RBFOX1: variants seen among roughly 807,000 people sequenced by gnomAD.
RBFOX1 encodes RNA binding fox-1 homolog 1, also known as RNA binding protein fox-1 homolog 1.
RBFOX1 carries 8 observed loss-of-function variants against 57.7 expected under a neutral mutation model. The observed-to-expected ratio is 0.14, with a 90% CI of 0.08 to 0.25. The LOEUF is 0.25. Among genes scored for constraint, RBFOX1 ranks in the 10% least tolerant of loss-of-function variants. The pLI is 1.00. For missense variants in RBFOX1, 611 were observed against 548.5 expected, an observed-to-expected ratio of 1.11 and a Z score of -1.14; for synonymous variants, 326 against 222.4, an observed-to-expected ratio of 1.47 and a Z score of -4.15.
intron 2 of RBFOX1, among the ~76,000 whole-genome samples, chr16:6,645,358 TC>T (rs1464516061): frequency 2.0e-5 from 3 of 152,132 alleles, no homozygotes; most frequent in African/African-American, 7.2e-5. Context: ...GCTACTCACT[TC>T]TAAATCCTCT....
intron 14 of RBFOX1, among the ~76,000 whole-genome samples, chr16:7,679,221 T>C (rs755782513): frequency 5.9e-5 from 9 of 152,250 alleles, no homozygotes; most frequent in Admixed American, 1.3e-4. Context: ...TACCTTTTTA[T>C]AGAAGACACG....
intron 1 of RBFOX1, among the ~76,000 whole-genome samples, chr16:5,424,367 C>T (rs995645813): frequency 2.4e-4 from 37 of 152,144 alleles, no homozygotes; most frequent in African/African-American, 8.7e-4. Flanking sequence ...TGGAACAAGA[C>T]TGGGCGAGCT....
At chr16:5,827,920 CCCATCCACCCACCCAT>C (rs2056128076) in intron 3 of RBFOX1, among the ~76,000 whole-genome samples, 1 of 134,870 alleles carries the variant, frequency 7.4e-6, no homozygotes, top group Non-Finnish European at 1.6e-5. Flanking sequence ...CATCCATCCA[CCCATCCACCCACCCAT>C]CCACCCACCC....
At chr16:7,710,378 G>C in intron 15 of RBFOX1, 2 of 1,363,038 alleles carry the variant, frequency 1.5e-6, no homozygotes, top group South Asian at 3.7e-5. Context: ...TTATAATAGA[G>C]TCCTTTTAGC....
At chr16:5,725,695 A>G (rs1023015683) in intron 3 of RBFOX1, among the ~76,000 whole-genome samples, 4 of 151,638 alleles carry the variant, frequency 2.6e-5, no homozygotes, top group African/African-American at 9.7e-5. Flanking sequence ...CCACATTCAC[A>G]CCTGGCATGG....
At chr16:6,522,454 A>G (rs1046598365) in intron 2 of RBFOX1, among the ~76,000 whole-genome samples, 3 of 152,176 alleles carry the variant, frequency 2.0e-5, no homozygotes, top group Non-Finnish European at 4.4e-5. Context: ...AAAGATATTT[A>G]TGAAGACATC....
chr16:5,911,355 G>C lies in RBFOX1; in HGVS notation c.351+44020G>C, dbSNP rs975231584. ...GAAGATCCGAAGCTCTGAAGTTCCTGTTCCCCTTATCTTGTGCCACAGCCG... is the reference window on the plus strand; with the variant it reads ...GAAGATCCGAAGCTCTGAAGTTCCTCTTCCCCTTATCTTGTGCCACAGCCG... On this transcript the variant is annotated intron_variant, in intron 4 of 19. Transcript: ENST00000641259. Among the ~76,000 whole-genome samples, 3 of 152,284 alleles carry C rather than the reference G, an allele frequency of 2.0e-5. No homozygotes were observed. In the South Asian group the frequency reaches 6.2e-4, roughly 32 times the overall value.
chr16:6,931,583 A>G (rs1057395345), intron 3 of RBFOX1, among the ~76,000 whole-genome samples: 1 of 152,066 alleles, frequency 6.6e-6, no homozygotes, highest in African/African-American at 2.4e-5. Flanking sequence ...CCACCCTACA[A>G]TGGACAACAT....
At chr16:6,502,503 T>G (rs62017761) in intron 2 of RBFOX1, among the ~76,000 whole-genome samples, 58,811 of 152,056 alleles carry the variant, frequency 0.39, 13,673 homozygotes, top group East Asian at 0.58. Context: ...TCTACTATTT[T>G]AAGGATTGTA....
intron 4 of RBFOX1, among the ~76,000 whole-genome samples, chr16:7,301,568 C>T (rs2096034033): frequency 6.6e-6 from 1 of 152,168 alleles, no homozygotes; most frequent in South Asian, 2.1e-4. Context: ...TGCCTTAGTG[C>T]AGCCAAGAGC....
intron 2 of RBFOX1, among the ~76,000 whole-genome samples, chr16:6,487,493 T>A (rs931439067): frequency 6.6e-6 from 1 of 151,440 alleles, no homozygotes; most frequent in Non-Finnish European, 1.5e-5. Flanking sequence ...CAAGTTCTCC[T>A]GAAATTATTT....
In RBFOX1 at chr16:5,553,318, A is replaced by G. The variant is rs79416412; in HGVS notation, c.259-45584A>G. 4.1e-5 allele frequency among the ~76,000 whole-genome samples: 6 copies of G among 145,000 alleles called. No individual in the cohort carries two copies. In the East Asian group the frequency reaches 8.1e-4, roughly 20 times the overall value. On this transcript the variant is annotated intron_variant, in intron 2 of 2. Transcript: ENST00000585867. ...TAAGGTGTATGCCATATGTCTGAAT[A>G]TTTTTTTTTTTTTTTGAGATGGAGT...
intron 4 of RBFOX1, among the ~76,000 whole-genome samples, chr16:7,133,475 C>T (rs1199511308): frequency 2.6e-5 from 4 of 151,996 alleles, no homozygotes; most frequent in African/African-American, 9.7e-5. Context: ...TTTTTAGAGG[C>T]AATTCAGTAA....
intron 3 of RBFOX1, among the ~76,000 whole-genome samples, chr16:6,952,482 A>T (rs1219774147): frequency 2.0e-5 from 3 of 151,860 alleles, no homozygotes; most frequent in Non-Finnish European, 4.4e-5. Context: ...CCCTGTCTCT[A>T]CAAAAAATTA....
chr16:6,971,749 G>A (rs1380740479), intron 3 of RBFOX1, among the ~76,000 whole-genome samples: 1 of 152,014 alleles, frequency 6.6e-6, no homozygotes, highest in Non-Finnish European at 1.5e-5. Context: ...GGGACATCGT[G>A]GAGATGTCAC....
At chr16:7,134,077 A>G (rs866264434) in intron 4 of RBFOX1, among the ~76,000 whole-genome samples, 1 of 152,210 alleles carries the variant, frequency 6.6e-6, no homozygotes, top group Admixed American at 6.5e-5. Context: ...TCACGTTAGC[A>G]CTTGGCAGTT....
At chr16:5,886,410 G>T (rs2057901017) in intron 4 of RBFOX1, among the ~76,000 whole-genome samples, 1 of 152,204 alleles carries the variant, frequency 6.6e-6, no homozygotes, top group African/African-American at 2.4e-5. Flanking sequence ...CTCAAGAGGA[G>T]TTCTGTAGAA....
chr16:7,642,074 C>T (rs534428047), intron 11 of RBFOX1, among the ~76,000 whole-genome samples: 2 of 152,234 alleles, frequency 1.3e-5, no homozygotes, highest in South Asian at 2.1e-4. Flanking sequence ...ATGACCACGC[C>T]ACTGCACTCT....
At chr16:5,366,445 T>C in intron 1 of RBFOX1, 2 of 449,488 alleles carry the variant, frequency 4.4e-6, no homozygotes, top group East Asian at 1.1e-4. Flanking sequence ...ATGAAAAGAC[T>C]CAGAACCATC....
Sources: gnomAD v4.1 joint callset for allele counts (sites outside exome capture counted in the v4.1 genomes callset) on GRCh38, gnomAD v4.1.1 for gene constraint, MANE v1.5 for transcripts, NCBI Gene and HGNC (gene_info 2026-07-23, HGNC 2026-07-21) for gene names.